CACNA2D1: variants seen among roughly 807,000 people sequenced by gnomAD.
The protein encoded by CACNA2D1 is voltage-dependent calcium channel subunit alpha-2/delta-1.
CACNA2D1 carries 53 observed loss-of-function variants against 171.5 expected under a neutral mutation model. The observed-to-expected ratio is 0.31, with a 90% CI of 0.25 to 0.39. The LOEUF is 0.39. CACNA2D1 is among the 10% of genes least tolerant of loss of function. CACNA2D1 has a pLI of 1.00. For synonymous variants in CACNA2D1, 442 were observed against 443.1 expected, an observed-to-expected ratio of 1.00 and a Z score of 0.03; for missense variants, 903 against 1,299.8, an observed-to-expected ratio of 0.69 and a Z score of 4.69.
chr7:82,056,018 A>AT (rs1319596784), intron 10 of CACNA2D1, among the ~76,000 whole-genome samples: 7 of 144,128 alleles, frequency 4.9e-5, no homozygotes, highest in Non-Finnish European at 9.2e-5. Context: ...TTAAAAAAAA[A>AT]AAAAAAAAAA....
chr7:82,012,188 T>A lies in CACNA2D1; in HGVS notation c.1328A>T (p.Gln443Leu). The change falls in exon 15 of 39, where the codon CAA (glutamine) becomes CTA (leucine). Residue 443 changes from glutamine (Q) to leucine (L), a missense_variant. Around this residue, in one of 5 missense-constraint regions of CACNA2D1, gnomAD observed 623 missense variants for 925.5 expected, o/e 0.67. Transcript: ENST00000356860. ...PMVLAGDKAK[Q>L]VQWTNVYLDA... Reference sequence around the variant, plus strand: ...CAGGTACACATTTGTCCATTGGACTTGCTTAGCTTTGTCTCCTGCTAAAAC... The same window carrying A: ...CAGGTACACATTTGTCCATTGGACTAGCTTAGCTTTGTCTCCTGCTAAAAC... The A allele has an allele frequency of 6.2e-7, 1 of 1,608,996 alleles. No homozygotes were observed. Among genetic ancestry groups the A allele is most frequent in the Non-Finnish European group, 8.5e-7 (1 of 1,175,718 alleles).
intron 1 of CACNA2D1, among the ~76,000 whole-genome samples, chr7:82,400,016 A>G (rs181835145): frequency 1.8e-3 from 275 of 152,052 alleles, no homozygotes; most frequent in African/African-American, 6.3e-3. Context: ...AGTTGTAGAT[A>G]TGCGGCGTTA....
chr7:82,068,911 A>G (rs1473306558), intron 7 of CACNA2D1, among the ~76,000 whole-genome samples: 1 of 152,148 alleles, frequency 6.6e-6, no homozygotes, highest in Non-Finnish European at 1.5e-5. Context: ...GAAAGAAAAA[A>G]GTTAAAAGGC....
At chr7:82,111,422 A>ATGTGTGTG (rs1264458945) in intron 6 of CACNA2D1, among the ~76,000 whole-genome samples, 26 of 71,658 alleles carry the variant, frequency 3.6e-4, no homozygotes, top group African/African-American at 1.3e-3. Flanking sequence ...ATGTGTATAT[A>ATGTGTGTG]TGTGTGTATA....
chr7:82,409,841 C>T (rs899555228), intron 1 of CACNA2D1, among the ~76,000 whole-genome samples: 1 of 152,128 alleles, frequency 6.6e-6, no homozygotes, highest in African/African-American at 2.4e-5. Flanking sequence ...GTGCAAATAT[C>T]ATAGAGTGTA....
intron 3 of CACNA2D1, among the ~76,000 whole-genome samples, chr7:82,295,098 C>T (rs1426214197): frequency 6.6e-6 from 1 of 152,090 alleles, no homozygotes; most frequent in Non-Finnish European, 1.5e-5. Flanking sequence ...TTTTGGAGAA[C>T]ACCTATATTT....
At chr7:82,272,507 GTAA>G (rs1808770243) in intron 3 of CACNA2D1, among the ~76,000 whole-genome samples, 1 of 152,144 alleles carries the variant, frequency 6.6e-6, no homozygotes, top group African/African-American at 2.4e-5. Context: ...GTTGTAAAAG[GTAA>G]TGTGAATCCC....
At chr7:82,279,147 T>C (rs1471661267) in intron 3 of CACNA2D1, among the ~76,000 whole-genome samples, 1 of 152,212 alleles carries the variant, frequency 6.6e-6, no homozygotes, top group Non-Finnish European at 1.5e-5. Flanking sequence ...GGAGAAAGAA[T>C]AGAATTTTCT....
chr7:82,186,755 A>G (rs533644892), intron 3 of CACNA2D1, among the ~76,000 whole-genome samples: 2 of 152,338 alleles, frequency 1.3e-5, no homozygotes, highest in African/African-American at 4.8e-5. Context: ...CAATTATAAT[A>G]GCAAACATGT....
intron 3 of CACNA2D1, among the ~76,000 whole-genome samples, chr7:82,203,683 AGC>A (rs1799713660): frequency 6.6e-6 from 1 of 152,196 alleles, no homozygotes; most frequent in African/African-American, 2.4e-5. Flanking sequence ...AGTCTATAGC[AGC>A]GCATGGAGTG....
intron 3 of CACNA2D1, among the ~76,000 whole-genome samples, chr7:82,321,497 TAAG>T (rs549401708): frequency 6.6e-6 from 1 of 152,202 alleles, no homozygotes; most frequent in African/African-American, 2.4e-5. Flanking sequence ...TTACAGACTG[TAAG>T]AAGACTGTAT....
intron 3 of CACNA2D1, among the ~76,000 whole-genome samples, chr7:82,248,067 G>A (rs1438480105): frequency 6.6e-6 from 1 of 152,120 alleles, no homozygotes; most frequent in African/African-American, 2.4e-5. Context: ...CAGAACATCT[G>A]CAGATATTAC....
intron 1 of CACNA2D1, among the ~76,000 whole-genome samples, chr7:82,360,332 C>G (rs1820955661): frequency 6.6e-6 from 1 of 152,130 alleles, no homozygotes; most frequent in Non-Finnish European, 1.5e-5. Flanking sequence ...GATTTAAAAA[C>G]AAGAATACCT....
intron 3 of CACNA2D1, among the ~76,000 whole-genome samples, chr7:82,212,491 G>A (rs1800663061): frequency 6.6e-6 from 1 of 152,174 alleles, no homozygotes; most frequent in South Asian, 2.1e-4. Context: ...TTTCCTTGCA[G>A]TAGATAAATT....
chr7:82,380,398 T>C (rs1823557595), intron 1 of CACNA2D1, among the ~76,000 whole-genome samples: 1 of 152,116 alleles, frequency 6.6e-6, no homozygotes, highest in Admixed American at 6.5e-5. Context: ...AAATATCCTA[T>C]GATTAAGTTT....
At chr7:82,180,718 A>G (rs1797035444) in intron 3 of CACNA2D1, among the ~76,000 whole-genome samples, 1 of 152,084 alleles carries the variant, frequency 6.6e-6, no homozygotes, top group Non-Finnish European at 1.5e-5. Context: ...AAAATGCATA[A>G]AACAGAAGAA....
intron 3 of CACNA2D1, among the ~76,000 whole-genome samples, chr7:82,203,391 C>T (rs1799681309): frequency 6.6e-6 from 1 of 152,182 alleles, no homozygotes. Flanking sequence ...GAATAGCTTG[C>T]CTTCACGGGA....
intron 2 of CACNA2D1, among the ~76,000 whole-genome samples, chr7:82,339,421 C>T (rs987212614): frequency 2.6e-5 from 4 of 152,192 alleles, no homozygotes; most frequent in African/African-American, 4.8e-5. Context: ...TATCCACAGC[C>T]ATCTTTCTGA....
intron 3 of CACNA2D1, among the ~76,000 whole-genome samples, chr7:82,265,232 C>T (rs117460445): frequency 6.6e-6 from 1 of 152,128 alleles, no homozygotes; most frequent in African/African-American, 2.4e-5. Flanking sequence ...TCTCTCAATC[C>T]ACAGTTGAGC....
Sources: gnomAD v4.1 joint callset for allele counts (sites outside exome capture counted in the v4.1 genomes callset) on GRCh38, gnomAD v4.1.1 for gene constraint, gnomAD v4.1.1 regional missense constraint, MANE v1.5 for transcripts, NCBI Gene and HGNC (gene_info 2026-07-23, HGNC 2026-07-21) for gene names.